The following FGF13 variants were observed in gnomAD, a reference collection of about 807,000 sequenced individuals.
The protein encoded by FGF13 is fibroblast growth factor homologous factor 2.
A neutral mutation model predicts 19.5 loss-of-function variants in FGF13; 2 were observed. The observed-to-expected ratio is 0.10, with a 90% CI of 0.04 to 0.32. The LOEUF (loss-of-function observed/expected upper bound fraction) is 0.32, where lower values mean the gene tolerates loss of function less well. FGF13 is among the 10% of genes least tolerant of loss of function. The pLI is 1.00. For synonymous variants in FGF13, 72 were observed against 76.9 expected, an observed-to-expected ratio of 0.94 and a Z score of 0.33; for missense variants, 113 against 192.7, an observed-to-expected ratio of 0.59 and a Z score of 2.45.
intron 1 of FGF13, among the ~76,000 whole-genome samples, chrX:139,166,066 A>T (rs895298368): frequency 9.0e-6 from 1 of 111,454 alleles, no homozygotes; most frequent in African/African-American, 3.3e-5. Flanking sequence ...GGACTGTTGG[A>T]AGGGCATGAT....
chrX:138,777,870 T>C (rs2090600684), intron 3 of FGF13, among the ~76,000 whole-genome samples: 1 of 107,402 alleles, frequency 9.3e-6, no homozygotes, highest in Non-Finnish European at 1.9e-5. Context: ...AACAAAAATA[T>C]CACCTGTCAT....
chrX:139,181,708 C>A (rs1347680662), intron 1 of FGF13, among the ~76,000 whole-genome samples: 1 of 112,268 alleles, frequency 8.9e-6, no homozygotes, highest in East Asian at 2.8e-4. Flanking sequence ...GAGGGAGAGA[C>A]CCATAAACAG....
intron 1 of FGF13, among the ~76,000 whole-genome samples, chrX:138,958,628 T>C (rs1165959975): frequency 8.9e-6 from 1 of 112,010 alleles, no homozygotes; most frequent in Non-Finnish European, 1.9e-5. Flanking sequence ...CTGGTAGAAT[T>C]CAGCTGTGAA....
chrX:138,857,503 T>C (rs1479547604), downstream of FGF13: 1 of 1,181,634 alleles, frequency 8.5e-7, no homozygotes, highest in Non-Finnish European at 1.1e-6. Context: ...GCGTCTGTCG[T>C]GCACAAACCT....
intron 1 of FGF13, among the ~76,000 whole-genome samples, chrX:138,932,789 T>C (rs1204745326): frequency 2.7e-5 from 3 of 109,147 alleles, no homozygotes; most frequent in Non-Finnish European, 5.7e-5. Flanking sequence ...TTTTACATTA[T>C]AGAACTGTGT....
chrX:138,681,581 C>T (rs2089729536), intron 3 of FGF13, among the ~76,000 whole-genome samples: 1 of 112,758 alleles, frequency 8.9e-6, no homozygotes, highest in Admixed American at 9.4e-5. Context: ...ATAACTTTTC[C>T]TTTGCATTTA....
chrX:138,809,214 G>A (rs930132135), intron 3 of FGF13, among the ~76,000 whole-genome samples: 3 of 111,657 alleles, frequency 2.7e-5, no homozygotes, highest in South Asian at 7.5e-4. Flanking sequence ...CTGGCAAACC[G>A]AATCCAGCAG....
chrX:139,074,021 G>A (rs2092385047), intron 1 of FGF13, among the ~76,000 whole-genome samples: 1 of 112,352 alleles, frequency 8.9e-6, no homozygotes, highest in Non-Finnish European at 1.9e-5. Flanking sequence ...CAGATAGCTG[G>A]CGCTAAATTT....
At chrX:138,849,256 A>G in intron 3 of FGF13, among the ~76,000 whole-genome samples, 1 of 110,891 alleles carries the variant, frequency 9.0e-6, no homozygotes, top group Non-Finnish European at 1.9e-5. Context: ...AATCTGCAAG[A>G]CTCTTTAAAA....
chrX:138,929,854 CTG>C (rs577806507), intron 1 of FGF13, among the ~76,000 whole-genome samples: 2,075 of 96,100 alleles, frequency 0.022, 48 homozygotes, highest in African/African-American at 0.051. Flanking sequence ...ACTGCCTTAG[CTG>C]TGTGTGTGTG....
intron 1 of FGF13, among the ~76,000 whole-genome samples, chrX:138,916,464 C>A (rs1290248279): frequency 9.0e-6 from 1 of 111,588 alleles, no homozygotes; most frequent in African/African-American, 3.3e-5. Context: ...TTTTGATAGA[C>A]CACCATCAGA....
intron 3 of FGF13, among the ~76,000 whole-genome samples, chrX:138,760,159 C>A (rs1359746480): frequency 9.0e-6 from 1 of 110,902 alleles, no homozygotes; most frequent in African/African-American, 3.3e-5. Context: ...AACAATGCAC[C>A]GTTAACCCAG....
intron 1 of FGF13, among the ~76,000 whole-genome samples, chrX:138,982,251 T>G (rs768599491): frequency 9.0e-6 from 1 of 111,653 alleles, no homozygotes; most frequent in East Asian, 2.8e-4. Flanking sequence ...GACGTAGTTG[T>G]GCTTGGAATA....
intron 3 of FGF13, among the ~76,000 whole-genome samples, chrX:138,699,455 A>T (rs1353117716): frequency 9.0e-6 from 1 of 110,530 alleles, no homozygotes; most frequent in Non-Finnish European, 1.9e-5. Flanking sequence ...CCCTAAATAC[A>T]CACCCACCCT....
intron 1 of FGF13, among the ~76,000 whole-genome samples, chrX:139,017,898 G>T (rs370588381): frequency 1.8e-5 from 2 of 111,698 alleles, no homozygotes; most frequent in East Asian, 5.7e-4. Context: ...GAGATGGGAA[G>T]ATCCAACTTC....
Position 139,064,281 on chromosome X carries a change from CTTTTTTTTTTTTTTTTTT to C in FGF13, c.-113+139117_-113+139134del, listed in dbSNP as rs139084376. On this transcript the variant is annotated intron_variant, in intron 1 of 2. Transcript: ENST00000421460. ...GCATAGAGCAGAGTTCTTTTTTTTTCTTTTTTTTTTTTTTTTTTTTTTTTTTTTTTTTGAGACGGAGTC... is the reference window on the plus strand; with the variant it reads ...GCATAGAGCAGAGTTCTTTTTTTTTCTTTTTTTTTTTTTTGAGACGGAGTC... 8.6e-5 allele frequency among the ~76,000 whole-genome samples: 2 copies of C among 23,161 alleles called. 1 individual carries two copies. The highest frequency in any genetic ancestry group is 4.4e-4 in the African/African-American group (2 of 4,524). The allele number at this position is 23,161 out of a possible 115,157, so 20.1% of individuals were successfully genotyped here. A position where few individuals can be genotyped will look rare whatever the true frequency, so the allele number is the denominator to read the frequency against.
intron 1 of FGF13, among the ~76,000 whole-genome samples, chrX:139,126,724 AAGTC>A (rs1157544907): frequency 9.0e-6 from 1 of 111,702 alleles, no homozygotes; most frequent in Non-Finnish European, 1.9e-5. Context: ...TGGCTGAAGA[AAGTC>A]AGCAGGAGAG....
intron 1 of FGF13, among the ~76,000 whole-genome samples, chrX:138,875,995 TACACACACACAC>T (rs749175408): frequency 4.1e-4 from 40 of 98,057 alleles, no homozygotes; most frequent in African/African-American, 1.3e-3. Context: ...TATCGGCTTG[TACACACACACAC>T]ACACACACAC....
chrX:139,094,038 C>T (rs941089146), intron 1 of FGF13, among the ~76,000 whole-genome samples: 2 of 111,787 alleles, frequency 1.8e-5, no homozygotes, highest in African/African-American at 3.3e-5. Flanking sequence ...CAGCCTAATA[C>T]AGAAATGTGA....
Sources: allele counts gnomAD v4.1 joint callset (sites outside exome capture counted in the v4.1 genomes callset), GRCh38; gene constraint gnomAD v4.1.1; transcripts MANE v1.5; gene names NCBI Gene and HGNC (gene_info 2026-07-23, HGNC 2026-07-21).